RNF19B: variants seen among roughly 807,000 people sequenced by gnomAD.
RNF19B encodes the protein E3 ubiquitin-protein ligase RNF19B.
RNF19B carries 23 observed loss-of-function variants against 65.5 expected under a neutral mutation model. The observed-to-expected ratio is 0.35, with a 90% confidence interval of 0.25 to 0.50. The LOEUF is 0.50. Ranked by LOEUF, RNF19B falls within the 20% of genes least tolerant of loss-of-function variation. The pLI is 0.98. For synonymous variants in RNF19B, 372 were observed against 379.6 expected, an observed-to-expected ratio of 0.98 and a Z score of 0.23; for missense variants, 794 against 980.0, an observed-to-expected ratio of 0.81 and a Z score of 2.53.
chr1:32,943,507 T>A (rs1214139383), intron 6 of RNF19B, among the ~76,000 whole-genome samples: 1 of 151,712 alleles, frequency 6.6e-6, no homozygotes, highest in East Asian at 1.9e-4. Flanking sequence ...TCCCAGCTAC[T>A]CAGGAGGCTG....
downstream of RNF19B, among the ~76,000 whole-genome samples, chr1:32,932,952 C>A (rs1642044118): frequency 6.6e-6 from 1 of 152,216 alleles, no homozygotes; most frequent in Non-Finnish European, 1.5e-5. Flanking sequence ...ACATAGTTCT[C>A]TTCCTTGCTC....
rs1364517191 is a variant in RNF19B, at chr1:32,964,203, G to A, written c.483C>T (p.Ile161=). The change falls in exon 1 of 9, where the codon ATC becomes ATT. Residue 161 remains isoleucine (I), a synonymous_variant. Coordinates refer to ENST00000235150, the MANE Select transcript of RNF19B (RefSeq NM_001300826.2). The surrounding 1 kb of genome is among the most constrained non-coding windows in gnomAD (Gnocchi z 6.5). The part of the protein sequence containing the change: ...RLEISESRVP[I]SCPECSERLN... The stretch of plus-strand genomic sequence containing the variant: ...GTCGCTCGCTGCACTCGGGGCAGCT[G>A]ATGGGCACCCTGCTCTCGCTTATCT... 3 of 1,546,852 alleles carry A rather than the reference G, an allele frequency of 1.9e-6. No individual in the cohort carries two copies. The highest frequency in any genetic ancestry group is 2.6e-6 in the Non-Finnish European group (3 of 1,145,462).
At position 32,964,656 on chromosome 1, in the gene RNF19B, C is replaced by T. The variant is rs545706700; in HGVS notation, c.30G>A (p.Pro10=). 2 of 1,473,992 alleles carry T rather than the reference C, an allele frequency of 1.4e-6. No homozygotes were observed. Among genetic ancestry groups the T allele is most frequent in the Admixed American group, 2.4e-5 (1 of 41,370 alleles). The allele number at this position is 1,473,992 out of a possible 1,614,324, so 91.3% of individuals were successfully genotyped here. ...CGGCCGCATGTAGCGATGTGGAGCG[C>T]GGCGACTCGGAGTCCTTCTCGGAGC... is the stretch of plus-strand genomic sequence containing the variant. MGSEKDSES[P]RSTSLHAAAP... The change falls in exon 1 of 9, where the codon CCG becomes CCA. Residue 10 remains proline, a synonymous_variant. Coordinates refer to ENST00000235150, the MANE Select transcript of RNF19B (RefSeq NM_001300826.2). This position sits in a 1 kb window ranked among gnomAD's most constrained non-coding sequence, Gnocchi z 6.5.
intron 7 of RNF19B, 26 bp downstream of exon 7, chr1:32,942,226 C>T (rs1238950515): frequency 1.3e-6 from 2 of 1,570,970 alleles, no homozygotes; most frequent in Admixed American, 1.7e-5. Context: ...CTAACCATTT[C>T]TGTCAGAAAT....
intron 1 of RNF19B, among the ~76,000 whole-genome samples, chr1:32,951,850 C>T (rs940768007): frequency 4.6e-5 from 7 of 150,940 alleles, no homozygotes; most frequent in South Asian, 2.1e-4. Context: ...CAGGATGGAG[C>T]GCAGTGGCGT....
intron 7 of RNF19B, among the ~76,000 whole-genome samples, chr1:32,941,547 T>A (rs1163880077): frequency 6.6e-6 from 1 of 151,102 alleles, no homozygotes; most frequent in Non-Finnish European, 1.5e-5. Context: ...CTCAAAAAAA[T>A]AAAATAAAAT....
chr1:32,934,373 T>C (rs79572779), downstream of RNF19B, among the ~76,000 whole-genome samples: 4,217 of 152,230 alleles, frequency 0.028, 199 homozygotes, highest in African/African-American at 0.094. Flanking sequence ...GGTCTGACAC[T>C]GGAAGCTCTT....
chr1:32,951,878 A>G (rs1642508754), intron 1 of RNF19B, among the ~76,000 whole-genome samples: 1 of 151,330 alleles, frequency 6.6e-6, no homozygotes, highest in Admixed American at 6.6e-5. Flanking sequence ...GCTCACTGCA[A>G]TCTTCTCCCA....
chr1:32,929,054 T>C, the RNF19B span, among the ~76,000 whole-genome samples: 463 of 152,246 alleles, frequency 3.0e-3, 2 homozygotes, highest in African/African-American at 0.011. Flanking sequence ...GTAACAGAAA[T>C]TTATTGTCTC....
chr1:32,937,171 G>T lies in RNF19B; in HGVS notation c.1831C>A (p.Leu611Ile). Residue 611 changes from leucine (L) to isoleucine (I), a missense_variant, in exon 9 of 9, where the codon CTC becomes ATC. Leu to Ile is a conservative substitution (Grantham distance 5). This residue lies in a region of RNF19B where 368 missense variants were observed against 447.3 expected (regional missense o/e 0.82). Transcript: ENST00000235150. ...TCTGCCATCTGAGCATGAACATGGA[G>T]CGAGTCCTCCGTGCTGCTTCCACTC... Reference protein sequence around the residue: ...LVSGSSTEDSLHVHAQMAENE... With the variant: ...LVSGSSTEDSIHVHAQMAENE... 1 of 1,614,124 alleles carries T rather than the reference G, an allele frequency of 6.2e-7. No homozygotes were observed. The highest frequency in any genetic ancestry group is 8.5e-7 in the Non-Finnish European group (1 of 1,180,024).
intron 1 of RNF19B, among the ~76,000 whole-genome samples, chr1:32,957,573 C>T (rs1252109373): frequency 6.6e-6 from 1 of 152,162 alleles, no homozygotes; most frequent in East Asian, 1.9e-4. Flanking sequence ...GTGGCTCACA[C>T]CTGTAATCCC....
At chr1:32,945,332 A>G (rs1642341187) in intron 5 of RNF19B, among the ~76,000 whole-genome samples, 182 bp downstream of exon 5, 1 of 152,220 alleles carries the variant, frequency 6.6e-6, no homozygotes, top group Admixed American at 6.5e-5. Flanking sequence ...AAGATTGCAC[A>G]CTCTGATAAT....
intron 1 of RNF19B, among the ~76,000 whole-genome samples, chr1:32,958,718 TAAAA>T (rs746169988): frequency 7.5e-6 from 1 of 132,512 alleles, no homozygotes; most frequent in Admixed American, 7.6e-5. Context: ...AGACTCCATC[TAAAA>T]AAAAAAAAAA....
At chr1:32,953,700 C>T (rs532754235) in intron 1 of RNF19B, among the ~76,000 whole-genome samples, 42 of 152,058 alleles carry the variant, frequency 2.8e-4, no homozygotes, top group Non-Finnish European at 4.6e-4. Flanking sequence ...AGATAAACAA[C>T]GTGTCTCCTC....
intron 2 of RNF19B, 154 bp from the exon 3 acceptor site, chr1:32,948,517 T>C (rs189908392): frequency 5.4e-6 from 4 of 739,308 alleles, no homozygotes; most frequent in Non-Finnish European, 8.3e-6. Context: ...TACTGGAAGG[T>C]TGGCTATGTC....
intron 1 of RNF19B, among the ~76,000 whole-genome samples, chr1:32,956,450 C>T (rs1417648152): frequency 6.6e-6 from 1 of 152,028 alleles, no homozygotes; most frequent in African/African-American, 2.4e-5. Context: ...TGCCTGCAGT[C>T]CCAGCTACTT....
intron 7 of RNF19B, among the ~76,000 whole-genome samples, chr1:32,941,181 C>T (rs917462465): frequency 6.6e-6 from 1 of 152,026 alleles, no homozygotes; most frequent in Non-Finnish European, 1.5e-5. Flanking sequence ...CATGATTGTG[C>T]CACTGCATTC....
At chr1:32,960,030 G>A (rs1231644229) in intron 1 of RNF19B, among the ~76,000 whole-genome samples, 1 of 151,398 alleles carries the variant, frequency 6.6e-6, no homozygotes, top group Non-Finnish European at 1.5e-5. Context: ...CAGCCTGGGT[G>A]ACAGAGCGAG....
At chr1:32,963,909 G>T in intron 1 of RNF19B, 142 bp downstream of exon 1, 1 of 1,308,746 alleles carries the variant, frequency 7.6e-7, no homozygotes, top group Non-Finnish European at 9.8e-7. Context: ...ACTAGTCTGG[G>T]CTTGCCTGAT....
Sources: gnomAD v4.1 joint callset for allele counts (sites outside exome capture counted in the v4.1 genomes callset) on GRCh38, gnomAD v4.1.1 for gene constraint, gnomAD v4.1.1 regional missense constraint, Gnocchi (gnomAD v3.1) non-coding constraint, MANE v1.5 for transcripts, NCBI Gene and HGNC (gene_info 2026-07-23, HGNC 2026-07-21) for gene names.